The following MLIP variants were observed in gnomAD, a reference collection of about 807,000 sequenced individuals.
The protein encoded by MLIP is muscular LMNA-interacting protein.
MLIP carries 79 observed loss-of-function variants against 84.8 expected under a neutral mutation model. The ratio of observed to expected loss-of-function variants is 0.93; its 90% confidence interval spans 0.78 to 1.12. The LOEUF is 1.12. Ranked by LOEUF, MLIP falls within the 50% of genes most tolerant of loss-of-function variation. The pLI is 0.00. For synonymous variants in MLIP, 504 were observed against 463.0 expected (o/e 1.09, Z -1.14); for missense variants, 1,257 against 1,160.6 (o/e 1.08, Z -1.21).
rs778135597 is a variant in MLIP, at chr6:54,076,199, C to A, written c.64-45248C>A. ...CCTCTCCTTCCCCATGAGCCGAAATCAATAGATGTGCCAAGGAGTGGGTCA... is the reference window on the plus strand; with the variant it reads ...CCTCTCCTTCCCCATGAGCCGAAATAAATAGATGTGCCAAGGAGTGGGTCA... On this transcript the variant is annotated intron_variant, in intron 1 of 12. Coordinates refer to the MLIP transcript ENST00000274897. 2.6e-5 allele frequency among the ~76,000 whole-genome samples: 4 copies of A among 152,280 alleles called. No homozygotes were observed. The Middle Eastern group carries it at 0.014, about 518-fold the overall frequency.
At chr6:54,196,505 T>G (rs528481202) in intron 10 of MLIP, among the ~76,000 whole-genome samples, 1 of 152,208 alleles carries the variant, frequency 6.6e-6, no homozygotes, top group East Asian at 1.9e-4. Context: ...TCCCTGCAAA[T>G]GACATGATCT....
chr6:54,182,866 TG>T (rs1777023869), intron 9 of MLIP, among the ~76,000 whole-genome samples: 1 of 152,214 alleles, frequency 6.6e-6, no homozygotes, highest in Non-Finnish European at 1.5e-5. Flanking sequence ...CACATTCTAT[TG>T]ATAACAACTT....
chr6:54,160,278 AATAC>A (rs1774480306), intron 5 of MLIP, 85 bp from the exon 6 acceptor site: 1 of 974,234 alleles, frequency 1.0e-6, no homozygotes, highest in Admixed American at 2.4e-5. Flanking sequence ...TTGGAATATT[AATAC>A]ATACAAGGCT....
At chr6:54,156,382 C>G (rs1217344801) in intron 5 of MLIP, among the ~76,000 whole-genome samples, 1 of 152,048 alleles carries the variant, frequency 6.6e-6, no homozygotes, top group Non-Finnish European at 1.5e-5. Flanking sequence ...TCCAAGGGAC[C>G]TGAGTAGATA....
At chr6:54,221,984 T>C (rs1780253574) in intron 11 of MLIP, among the ~76,000 whole-genome samples, 1 of 152,084 alleles carries the variant, frequency 6.6e-6, no homozygotes, top group African/African-American at 2.4e-5. Flanking sequence ...ATTGAAAATT[T>C]TGCTTTTTCA....
rs531896340 is a variant in MLIP at position 54,137,444 on chromosome 6, C to A, written c.1375C>A (p.Pro459Thr). The A allele has an allele frequency of 7.7e-5, 119 of 1,536,058 alleles. No homozygotes were observed. In the South Asian group the frequency reaches 1.3e-3, roughly 17 times the overall value. ...LTLDQKEKQT[P>T]PTPKKSLSSC... is the part of the protein sequence containing the mutation. ...ACTTGACCAAAAAGAAAAGCAGACCCCACCCACGCCTAAAAAATCTCTCTC... is the reference window on the plus strand; with the variant it reads ...ACTTGACCAAAAAGAAAAGCAGACCACACCCACGCCTAAAAAATCTCTCTC... Residue 459 changes from proline to threonine, a missense_variant, in exon 4 of 14, where the codon CCA (proline) becomes ACA (threonine). Pro to Thr is a conservative substitution (Grantham distance 38). Coordinates refer to ENST00000502396, the MANE Select transcript of MLIP (RefSeq NM_001281747.2).
At chr6:54,224,010 A>T (rs1431972384) in intron 11 of MLIP, among the ~76,000 whole-genome samples, 1 of 152,040 alleles carries the variant, frequency 6.6e-6, no homozygotes, top group Non-Finnish European at 1.5e-5. Flanking sequence ...CAATTTGGAA[A>T]ATTTAAAAAC....
At chr6:54,132,543 T>C (rs1439576091) in intron 3 of MLIP, among the ~76,000 whole-genome samples, 1 of 152,170 alleles carries the variant, frequency 6.6e-6, no homozygotes, top group East Asian at 1.9e-4. Flanking sequence ...TAAAGAAATC[T>C]AGGCCATCTG....
At chr6:54,089,128 G>T (rs1005929127) in intron 1 of MLIP, among the ~76,000 whole-genome samples, 15 of 151,998 alleles carry the variant, frequency 9.9e-5, no homozygotes, top group African/African-American at 3.6e-4. Context: ...TTTATTTTTG[G>T]TGTGAGTTTC....
Position 54,083,358 on chromosome 6 carries a change from G to A in MLIP, c.64-38089G>A, listed in dbSNP as rs1010485781. The A allele has an allele frequency of 7.4e-6, 7 of 940,492 alleles. No individual in the cohort carries two copies. In the African/African-American group the frequency reaches 1.0e-4, roughly 13 times the overall value. The allele number at this position is 940,492 out of a possible 1,614,324, so 58.3% of individuals were successfully genotyped here. ...AAGATAGGTTAATATATTCAGATGG[G>A]ATTGAAATAACAGATGCATTGCTAT... On this transcript the variant is annotated intron_variant, in intron 1 of 12. Transcript: ENST00000274897.
intron 11 of MLIP, among the ~76,000 whole-genome samples, chr6:54,219,634 G>C (rs932269235): frequency 6.6e-6 from 1 of 152,100 alleles, no homozygotes; most frequent in Non-Finnish European, 1.5e-5. Flanking sequence ...AATATTTACT[G>C]ATGGGAACTT....
chr6:54,071,237 T>A (rs557920352), intron 1 of MLIP, among the ~76,000 whole-genome samples: 4 of 152,244 alleles, frequency 2.6e-5, no homozygotes, highest in African/African-American at 9.6e-5. Context: ...TTTGCATGCA[T>A]CTGCTTTGCT....
rs202026457 is a variant in MLIP, at chr6:54,124,565, G to A, written c.345G>A (p.Thr115=). ...CTTGTCCTTCAGAGGTCAGTGGAAC[G>A]ATTTTACAAGAAAGGGAATTCGAAG... ...KLTCPSEVSG[T]ILQEREFEAN... Residue 115 remains threonine (T), a synonymous_variant, in exon 3 of 14, where the codon ACG becomes ACA. Coordinates refer to ENST00000502396, the MANE Select transcript of MLIP (RefSeq NM_001281747.2). 14 of 1,614,162 alleles carry A rather than the reference G, an allele frequency of 8.7e-6. No homozygotes were observed. In the African/African-American group the frequency reaches 9.3e-5, roughly 11 times the overall value.
chr6:54,199,179 C>T (rs1276556575), intron 10 of MLIP, among the ~76,000 whole-genome samples: 2 of 151,992 alleles, frequency 1.3e-5, no homozygotes, highest in Non-Finnish European at 2.9e-5. Context: ...GGATAAGTTA[C>T]AGAGAGGTGG....
At chr6:54,253,460 C>T (rs540954163) in intron 12 of MLIP, among the ~76,000 whole-genome samples, 3 of 152,270 alleles carry the variant, frequency 2.0e-5, no homozygotes, top group South Asian at 4.1e-4. Context: ...CCCTCAGCTT[C>T]ACAATTTCGG....
intron 1 of MLIP, among the ~76,000 whole-genome samples, chr6:54,019,355 A>G (rs182681130): frequency 1.3e-5 from 2 of 152,316 alleles, no homozygotes; most frequent in East Asian, 3.9e-4. Flanking sequence ...GAATCCATTT[A>G]TTTTGACCTC....
intron 1 of MLIP, chr6:54,029,069 A>G (rs1763978839): frequency 6.6e-6 from 1 of 152,158 alleles, no homozygotes; most frequent in Admixed American, 6.5e-5. Flanking sequence ...TAAAATGAAC[A>G]TGTGTGTTCC....
intron 1 of MLIP, among the ~76,000 whole-genome samples, chr6:54,093,329 A>ATTCTATTCT (rs1767981818): frequency 5.2e-5 from 7 of 134,078 alleles, no homozygotes; most frequent in South Asian, 2.7e-4. Context: ...TTTTCGATTA[A>ATTCTATTCT]ATTCTATTCT....
intron 5 of MLIP, among the ~76,000 whole-genome samples, chr6:54,155,501 C>T (rs1773929279): frequency 6.6e-6 from 1 of 152,022 alleles, no homozygotes; most frequent in Admixed American, 6.6e-5. Flanking sequence ...CTAAGTATAA[C>T]AAAAAGTTTA....
Sources: allele counts gnomAD v4.1 joint callset (sites outside exome capture counted in the v4.1 genomes callset), GRCh38; gene constraint gnomAD v4.1.1; transcripts MANE v1.5; gene names NCBI Gene and HGNC (gene_info 2026-07-23, HGNC 2026-07-21).